VPS41: variants seen among roughly 807,000 people sequenced by gnomAD.
The protein encoded by VPS41 is VPS41 subunit of HOPS complex, also known as vacuolar protein sorting-associated protein 41 homolog.
A neutral mutation model predicts 130.9 loss-of-function variants in VPS41; 85 were observed. The observed-to-expected ratio is 0.65, with a 90% CI of 0.55 to 0.78. The LOEUF (loss-of-function observed/expected upper bound fraction) is 0.78. Ranked by LOEUF, VPS41 falls within the 30% of genes least tolerant of loss-of-function variation. The pLI is 0.00. For missense variants in VPS41, 874 were observed against 1,018.7 expected (o/e 0.86, Z 1.93); for synonymous variants, 335 against 332.9 (o/e 1.01, Z -0.07).
intron 14 of VPS41, among the ~76,000 whole-genome samples, chr7:38,770,232 G>A (rs1229001924): frequency 6.7e-6 from 1 of 149,328 alleles, no homozygotes; most frequent in Non-Finnish European, 1.5e-5. Context: ...TTGTGCCATT[G>A]CACTCCAGCC....
At chr7:38,818,676 A>G (rs1015234666) in intron 6 of VPS41, among the ~76,000 whole-genome samples, 8 of 152,208 alleles carry the variant, frequency 5.3e-5, no homozygotes, top group Admixed American at 2.6e-4. Flanking sequence ...GTAAGCTTGC[A>G]TAGACTCCAC....
chr7:38,753,547 C>T (rs961740691), intron 21 of VPS41, among the ~76,000 whole-genome samples: 4 of 152,008 alleles, frequency 2.6e-5, no homozygotes, highest in African/African-American at 7.3e-5. Flanking sequence ...AATGCTGAGT[C>T]AAATTTATAT....
At chr7:38,733,244 C>T (rs546016778) in intron 25 of VPS41, among the ~76,000 whole-genome samples, 101 of 152,164 alleles carry the variant, frequency 6.6e-4, no homozygotes, top group Non-Finnish European at 6.8e-4. Flanking sequence ...TAGGTCTATT[C>T]TATTTGCTTG....
chr7:38,863,472 G>C (rs906047082), intron 3 of VPS41, among the ~76,000 whole-genome samples: 1 of 152,142 alleles, frequency 6.6e-6, no homozygotes, highest in African/African-American at 2.4e-5. Flanking sequence ...AAGTGTTTCA[G>C]TCAAGCAGCA....
intron 4 of VPS41, among the ~76,000 whole-genome samples, chr7:38,840,059 C>T (rs1785578521): frequency 6.6e-6 from 1 of 152,212 alleles, no homozygotes; most frequent in Non-Finnish European, 1.5e-5. Context: ...CCTTCCATCG[C>T]TAACTGCTCT....
At chr7:38,797,455 T>C (rs374514248) in intron 7 of VPS41, among the ~76,000 whole-genome samples, 2 of 152,310 alleles carry the variant, frequency 1.3e-5, no homozygotes, top group East Asian at 3.9e-4. Context: ...AAAAACCTGC[T>C]GGATAAATTT....
chr7:38,830,297 T>G lies in VPS41; in HGVS notation c.278A>C (p.Asp93Ala). The G allele has an allele frequency of 6.2e-7, 1 of 1,613,038 alleles. No homozygotes were observed. Among genetic ancestry groups the G allele is most frequent in the Non-Finnish European group, 8.5e-7 (1 of 1,179,002 alleles). Reference protein sequence around the residue: ...SPVKINQISLDESGEHMGVCS... With the variant: ...SPVKINQISLAESGEHMGVCS... ...CACACCCATGTGCTCTCCACTTTCA[T>G]CCAAGCTAATCTGATTTATCTTCAC... Residue 93 changes from aspartate (D) to alanine (A), a missense_variant, in exon 5 of 29, where the codon GAT becomes GCT. Physicochemically the swap from Asp to Ala is moderately radical, Grantham distance 126 (BLOSUM62 -2). Coordinates refer to ENST00000310301, the MANE Select transcript of VPS41 (RefSeq NM_014396.4).
At chr7:38,769,724 T>C (rs1156713649) in intron 14 of VPS41, among the ~76,000 whole-genome samples, 1 of 152,192 alleles carries the variant, frequency 6.6e-6, no homozygotes. Context: ...TTACTGTATC[T>C]TCCATCTATC....
intron 7 of VPS41, among the ~76,000 whole-genome samples, chr7:38,816,988 C>T (rs181304124): frequency 6.6e-6 from 1 of 152,300 alleles, no homozygotes; most frequent in East Asian, 1.9e-4. Context: ...GTGATCCTCC[C>T]ACCTTGGCCT....
At chr7:38,730,802 A>G (rs1795647745) in intron 25 of VPS41, among the ~76,000 whole-genome samples, 1 of 152,228 alleles carries the variant, frequency 6.6e-6, no homozygotes, top group African/African-American at 2.4e-5. Flanking sequence ...ATTTTAAAAA[A>G]TGGCTCTGAC....
At chr7:38,779,013 T>C (rs1784311383) in intron 10 of VPS41, among the ~76,000 whole-genome samples, 1 of 152,226 alleles carries the variant, frequency 6.6e-6, no homozygotes, top group African/African-American at 2.4e-5. Flanking sequence ...TCCTGTTCTC[T>C]AATTAAGAAC....
chr7:38,876,685 C>T (rs1009345152), intron 2 of VPS41, among the ~76,000 whole-genome samples: 44 of 86,738 alleles, frequency 5.1e-4, no homozygotes, highest in Admixed American at 1.8e-3. Context: ...TTTACCGTAA[C>T]ACACTAACCA....
intron 25 of VPS41, among the ~76,000 whole-genome samples, chr7:38,740,328 T>C (rs1795856335): frequency 6.6e-6 from 1 of 152,102 alleles, no homozygotes; most frequent in South Asian, 2.1e-4. Context: ...CAGAGGCTTA[T>C]AAGTTCTGAT....
At chr7:38,895,906 T>C (rs1033438311) in intron 2 of VPS41, among the ~76,000 whole-genome samples, 2 of 152,210 alleles carry the variant, frequency 1.3e-5, no homozygotes, top group Admixed American at 1.3e-4. Context: ...ATGATTTTTA[T>C]GTGCATTCTG....
intron 3 of VPS41, among the ~76,000 whole-genome samples, chr7:38,864,085 A>G (rs1323876045): frequency 1.3e-5 from 2 of 152,242 alleles, no homozygotes; most frequent in Admixed American, 1.3e-4. Context: ...CTGTGGTAAA[A>G]GAATGGGTCT....
chr7:38,766,083 C>T (rs1784037292), intron 15 of VPS41, among the ~76,000 whole-genome samples: 1 of 152,212 alleles, frequency 6.6e-6, no homozygotes, highest in Non-Finnish European at 1.5e-5. Flanking sequence ...CAAAATCAGA[C>T]TTCAGAAAAC....
At chr7:38,758,728 C>T (rs1317401304) in intron 17 of VPS41, among the ~76,000 whole-genome samples, 1 of 152,218 alleles carries the variant, frequency 6.6e-6, no homozygotes, top group Non-Finnish European at 1.5e-5. Context: ...TGGAACTTTT[C>T]AGCCCTACCC....
rs1784145073 is a variant in VPS41 at position 38,771,124 on chromosome 7, T to G, written c.1185+74A>C. The G allele has an allele frequency of 4.6e-6, 5 of 1,098,220 alleles. No individual in the cohort carries two copies. In the South Asian group the frequency reaches 6.9e-5, roughly 15 times the overall value. 68.0% of individuals were successfully genotyped at this position (1,098,220 alleles called of 1,614,324 possible). A position where few individuals can be genotyped will look rare whatever the true frequency, so the allele number is the denominator to read the frequency against. On this transcript the variant is annotated intron_variant, in intron 14 of 28. Transcript: ENST00000310301. ...AAAAGATAGGAAAAACCTGTTCTTT[T>G]CAAATTATTTTCAGTCTCACTATAA... is the stretch of plus-strand genomic sequence containing the variant.
chr7:38,802,473 A>T (rs1784749104), intron 7 of VPS41, among the ~76,000 whole-genome samples: 1 of 152,190 alleles, frequency 6.6e-6, no homozygotes, highest in Non-Finnish European at 1.5e-5. Flanking sequence ...TATATCTCTG[A>T]AACTCTCATG....
Sources: gnomAD v4.1 joint callset for allele counts (sites outside exome capture counted in the v4.1 genomes callset) on GRCh38, gnomAD v4.1.1 for gene constraint, MANE v1.5 for transcripts, NCBI Gene and HGNC (gene_info 2026-07-23, HGNC 2026-07-21) for gene names.